Variants in CLIP3 observed in about 807,000 individuals in gnomAD.
CLIP3 encodes the protein CAP-Gly domain containing linker protein 3.
CLIP3 carries 15 observed loss-of-function variants against 59.4 expected under a neutral mutation model. That is an observed-to-expected ratio of 0.25 (90% CI 0.17 to 0.39). CLIP3 has a LOEUF of 0.39. CLIP3 is among the 10% of genes least tolerant of loss of function. The probability of loss-of-function intolerance (pLI) is 1.00; values close to 1 mark genes in which losing one functional copy is unlikely to be tolerated. For missense variants in CLIP3, 495 were observed against 765.7 expected, an observed-to-expected ratio of 0.65 and a Z score of 4.17; for synonymous variants, 300 against 321.6, an observed-to-expected ratio of 0.93 and a Z score of 0.72.
chr19:36,020,036 CT>C (rs1474006655), intron 7 of CLIP3, among the ~76,000 whole-genome samples: 1 of 151,702 alleles, frequency 6.6e-6, no homozygotes, highest in Non-Finnish European at 1.5e-5. Context: ...GCGAGACCCT[CT>C]AATCTTAATC....
At position 36,027,274 on chromosome 19, in the gene CLIP3, G is replaced by A. The variant is rs779122913; in HGVS notation, c.167-3C>T. 6.9e-6 allele frequency: 11 copies of A among 1,595,578 alleles called. No homozygotes were observed. The Admixed American group carries it at 1.9e-4, about 27-fold the overall frequency. On this transcript the variant is annotated splice_polypyrimidine_tract_variant and splice_region_variant and intron_variant, in intron 2 of 13. Transcript: ENST00000360535. ...ATTGGGATCGAAGAAGGTGAAAGCT[G>A]GGGTGGCAAGAGGTCCAAGGTCACC...
At chr19:36,027,410 C>A in intron 2 of CLIP3, 139 bp from the exon 3 acceptor site, 2 of 898,230 alleles carry the variant, frequency 2.2e-6, no homozygotes, top group Middle Eastern at 2.3e-4. Context: ...CACAGTCAAC[C>A]CACAGGCATT....
chr19:36,024,936 T>G (rs980286917), intron 6 of CLIP3, among the ~76,000 whole-genome samples: 6 of 150,502 alleles, frequency 4.0e-5, no homozygotes, highest in Admixed American at 6.6e-5. Flanking sequence ...TGTGGTGGCG[T>G]GTGCCTGTAA....
chr19:36,021,411 A>G (rs1026373970), intron 7 of CLIP3, among the ~76,000 whole-genome samples: 7 of 152,070 alleles, frequency 4.6e-5, no homozygotes, highest in Non-Finnish European at 8.8e-5. Context: ...CAGCCTCCCA[A>G]GTAGCTAGGA....
intron 2 of CLIP3, among the ~76,000 whole-genome samples, chr19:36,031,008 C>CTTTTTTTTTTTTTTTTTTTTTTTT (rs374690845): frequency 1.2e-3 from 96 of 77,828 alleles, no homozygotes; most frequent in Non-Finnish European, 1.7e-3. Context: ...TTTTTCTTTT[C>CTTTTTTTTTTTTTTTTTTTTTTTT]TTTTTTTTTT....
chr19:36,032,508 C>A lies in CLIP3; in HGVS notation c.-58-93G>T. The A allele has an allele frequency of 2.5e-6, 1 of 403,642 alleles. No homozygotes were observed. Among genetic ancestry groups the A allele is most frequent in the Admixed American group, 4.4e-5 (1 of 22,704 alleles). The allele number at this position is 403,642 out of a possible 1,614,324, so 25.0% of individuals were successfully genotyped here. ...AGGGCCCCGGGTGGCCTCCGCGCAA[C>A]TGGATCTTGGGCAACCATAGGGACC... On this transcript the variant is annotated intron_variant, in intron 1 of 13. Coordinates refer to ENST00000360535, the MANE Select transcript of CLIP3 (RefSeq NM_015526.3). The surrounding 1 kb of genome is among the most constrained non-coding windows in gnomAD (Gnocchi z 4.3).
chr19:36,016,289 C>T lies in CLIP3; in HGVS notation c.1590-77G>A. 1.3e-6 allele frequency: 2 copies of T among 1,544,130 alleles called. No individual in the cohort carries two copies. The highest frequency in any genetic ancestry group is 1.8e-6 in the Non-Finnish European group (2 of 1,122,260). ...TGCACCCATCACCCCCAGCCTTTCC[C>T]CCAGTGTTTGCTATCAGGCCTTTCT... On this transcript the variant is annotated intron_variant, in intron 13 of 13. Coordinates refer to ENST00000360535, the MANE Select transcript of CLIP3 (RefSeq NM_015526.3). The surrounding 1 kb of genome is among the most constrained non-coding windows in gnomAD (Gnocchi z 4.1).
chr19:36,031,379 A>G (rs1354654253), intron 2 of CLIP3, among the ~76,000 whole-genome samples: 1 of 152,092 alleles, frequency 6.6e-6, no homozygotes, highest in African/African-American at 2.4e-5. Flanking sequence ...TGATTTATTT[A>G]TCTGTTCACT....
Position 36,032,451 on chromosome 19 carries a change from AGGCTCCAGGGTCCAAGC to A in CLIP3, c.-58-53_-58-37del. The A allele has an allele frequency of 1.8e-6, 1 of 557,894 alleles. No individual in the cohort carries two copies. Among genetic ancestry groups the A allele is most frequent in the Non-Finnish European group, 2.7e-6 (1 of 368,082 alleles). 34.6% of individuals were successfully genotyped at this position (557,894 alleles called of 1,614,324 possible). ...AGGTCAGCTGGAGAGGGTGCCCGGC[AGGCTCCAGGGTCCAAGC>A]CCCTAGGAGCTTCCAGGGCCCCGGG... is the stretch of plus-strand genomic sequence containing the variant. On this transcript the variant is annotated intron_variant, in intron 1 of 13. Transcript: ENST00000360535. This position sits in a 1 kb window ranked among gnomAD's most constrained non-coding sequence, Gnocchi z 4.3.
intron 2 of CLIP3, among the ~76,000 whole-genome samples, chr19:36,028,860 G>T (rs1969182671): frequency 6.6e-6 from 1 of 151,978 alleles, no homozygotes; most frequent in South Asian, 2.1e-4. Flanking sequence ...GGCACTTGCT[G>T]TTCTTCTCAC....
At position 36,016,275 on chromosome 19, in the gene CLIP3, C is replaced by T. The variant is rs1753661281; in HGVS notation, c.1590-63G>A. On this transcript the variant is annotated intron_variant, in intron 13 of 13. Coordinates refer to ENST00000360535, the MANE Select transcript of CLIP3 (RefSeq NM_015526.3). The surrounding 1 kb of genome is among the most constrained non-coding windows in gnomAD (Gnocchi z 4.1). ...GCAGCGGGGACATCTGCACCCATCACCCCCAGCCTTTCCCCCAGTGTTTGC... is the reference window on the plus strand; with the variant it reads ...GCAGCGGGGACATCTGCACCCATCATCCCCAGCCTTTCCCCCAGTGTTTGC... 2 of 1,576,288 alleles carry T rather than the reference C, an allele frequency of 1.3e-6. No individual in the cohort carries two copies. The highest frequency in any genetic ancestry group is 8.7e-7 in the Non-Finnish European group (1 of 1,148,232).
Position 36,017,958 on chromosome 19 carries a change from C to T in CLIP3, c.1217G>A (p.Gly406Asp), listed in dbSNP as rs770573048. The T allele has an allele frequency of 3.0e-5, 48 of 1,613,938 alleles. No homozygotes were observed. Among genetic ancestry groups the T allele is most frequent in the Non-Finnish European group, 4.1e-5 (48 of 1,180,032 alleles). ...GGCCCCGTCACGCTGCTGCAAGCTG[C>T]CCAGAGATGGGGATGATGGGGTCTT... ...KKKTPSSPSL[G>D]SLQQRDGAKA... The change falls in exon 10 of 14, where the codon GGC becomes GAC. Residue 406 changes from glycine to aspartate, a missense_variant. Gly to Asp is a moderately conservative substitution (Grantham distance 94). Transcript: ENST00000360535.
Position 36,030,402 on chromosome 19 carries a change from T to A in CLIP3, c.166+1790A>T, listed in dbSNP as rs554594681. Among the ~76,000 whole-genome samples the A allele has an allele frequency of 2.0e-5, 3 of 152,292 alleles. No homozygotes were observed. The East Asian group carries it at 5.8e-4, about 29-fold the overall frequency. ...TGAAGTCAACTTGTAGTCTCCCTGA[T>A]CTACCTCTAGTGGGTGACATGTCCA... On this transcript the variant is annotated intron_variant, in intron 2 of 13. Coordinates refer to ENST00000360535, the MANE Select transcript of CLIP3 (RefSeq NM_015526.3).
rs1361628173 is a variant in CLIP3 at position 36,026,720 on chromosome 19, G to A, written c.428C>T (p.Ser143Leu). 4 of 1,602,668 alleles carry A rather than the reference G, an allele frequency of 2.5e-6. No individual in the cohort carries two copies. The highest frequency in any genetic ancestry group is 2.2e-5 in the East Asian group (1 of 44,460). Reference sequence around the variant, plus strand: ...TGCGCCCAGCGCCAGCAGCTGCTGCGAGAGGCGCACGGCTGCCGCGGGGTC... The same window carrying A: ...TGCGCCCAGCGCCAGCAGCTGCTGCAAGAGGCGCACGGCTGCCGCGGGGTC... The part of the protein sequence containing the change: ...VGDPAAAVRL[S>L]QQLLALGADV... The change falls in exon 5 of 14, where the codon TCG (serine) becomes TTG (leucine). Residue 143 changes from serine to leucine, a missense_variant. Physicochemically the swap from Ser to Leu is moderately radical, Grantham distance 145. Transcript: ENST00000360535. The surrounding 1 kb of genome is among the most constrained non-coding windows in gnomAD (Gnocchi z 6.3).
At chr19:36,031,110 G>A (rs1220734068) in intron 2 of CLIP3, among the ~76,000 whole-genome samples, 2 of 136,090 alleles carry the variant, frequency 1.5e-5, no homozygotes, top group South Asian at 4.6e-4. Flanking sequence ...CTGCCTCCCA[G>A]GTTCAAGCGA....
In CLIP3 at chr19:36,017,600, G is replaced by T. The variant is rs1430194102; in HGVS notation, c.1451+55C>A. The T allele has an allele frequency of 2.5e-6, 4 of 1,610,504 alleles. No homozygotes were observed. In the Admixed American group the frequency reaches 5.1e-5, roughly 20 times the overall value. On this transcript the variant is annotated intron_variant, in intron 11 of 13. Transcript: ENST00000360535. Reference sequence around the variant, plus strand: ...GTCTGGGAGGAGGAGGCCATCTGAGGGGGGATCAGGGCTCCAGGTGGTGCC... The same window carrying T: ...GTCTGGGAGGAGGAGGCCATCTGAGTGGGGATCAGGGCTCCAGGTGGTGCC...
At position 36,028,065 on chromosome 19, in the gene CLIP3, G is replaced by A. The variant is rs368139308; in HGVS notation, c.167-794C>T. Among the ~76,000 whole-genome samples, 15 of 152,048 alleles carry A rather than the reference G, an allele frequency of 9.9e-5. No homozygotes were observed. In the East Asian group the frequency reaches 1.5e-3, roughly 16 times the overall value. On this transcript the variant is annotated intron_variant, in intron 2 of 13. Transcript: ENST00000360535. ...AAAAATAAAAATAGAGGCTGTGCGC[G>A]GTGGCTCACGCCTGTAATCCCAGCA...
intron 7 of CLIP3, 104 bp from the exon 8 acceptor site, chr19:36,019,410 C>T (rs1968893749): frequency 7.2e-7 from 1 of 1,385,536 alleles, no homozygotes; most frequent in Non-Finnish European, 9.9e-7. Flanking sequence ...CCGCCCTGGG[C>T]CCAAACCCCA....
Position 36,016,176 on chromosome 19 carries a change from C to T in CLIP3, c.1626G>A (p.Arg542=), listed in dbSNP as rs757021638. ...LFCCWFPWML[R]AEMQS Reference sequence around the variant, plus strand: ...AGGGCCTCTAAGACTGCATCTCCGCCCTCAGCATCCAGGGGAACCAGCAGC... The same window carrying T: ...AGGGCCTCTAAGACTGCATCTCCGCTCTCAGCATCCAGGGGAACCAGCAGC... Residue 542 remains arginine, a synonymous_variant, in exon 14 of 14, where the codon AGG becomes AGA. Coordinates refer to ENST00000360535, the MANE Select transcript of CLIP3 (RefSeq NM_015526.3). This position sits in a 1 kb window ranked among gnomAD's most constrained non-coding sequence, Gnocchi z 4.1. The T allele has an allele frequency of 5.6e-6, 9 of 1,614,018 alleles. No homozygotes were observed. Among genetic ancestry groups the T allele is most frequent in the Non-Finnish European group, 7.6e-6 (9 of 1,179,940 alleles).
Sources: allele counts gnomAD v4.1 joint callset (sites outside exome capture counted in the v4.1 genomes callset), GRCh38; gene constraint gnomAD v4.1.1; non-coding constraint Gnocchi (gnomAD v3.1); transcripts MANE v1.5; gene names NCBI Gene and HGNC (gene_info 2026-07-23, HGNC 2026-07-21).